The following TSEN2 variants were observed in gnomAD, a reference collection of about 807,000 sequenced individuals.
The protein encoded by TSEN2 is tRNA splicing endonuclease subunit 2.
A neutral mutation model predicts 59.2 loss-of-function variants in TSEN2; 54 were observed. The ratio of observed to expected loss-of-function variants is 0.91; its 90% CI spans 0.73 to 1.14. TSEN2 has a LOEUF of 1.14. TSEN2 is among the 50% of genes most tolerant of loss of function. TSEN2 has a pLI of 0.00. For synonymous variants in TSEN2, 195 were observed against 198.2 expected (o/e 0.98, Z 0.14); for missense variants, 636 against 576.2 (o/e 1.10, Z -1.06).
chr3:12,519,483 C>A (rs747140032), intron 8 of TSEN2, among the ~76,000 whole-genome samples: 1 of 152,192 alleles, frequency 6.6e-6, no homozygotes, highest in Non-Finnish European at 1.5e-5. Flanking sequence ...CCGTGGCTTA[C>A]GCATGTAATC....
chr3:12,521,316 G>A (rs2056618657), intron 8 of TSEN2, among the ~76,000 whole-genome samples: 1 of 152,186 alleles, frequency 6.6e-6, no homozygotes, highest in Non-Finnish European at 1.5e-5. Flanking sequence ...TAGGGGGATG[G>A]GGGAGACACA....
chr3:12,493,705 C>T (rs1365974565), intron 3 of TSEN2, among the ~76,000 whole-genome samples: 2 of 152,014 alleles, frequency 1.3e-5, no homozygotes, highest in Non-Finnish European at 2.9e-5. Flanking sequence ...CCAGCCTGGG[C>T]GACAGAGCAA....
chr3:12,506,009 T>C (rs1456476585), intron 6 of TSEN2, among the ~76,000 whole-genome samples: 1 of 152,080 alleles, frequency 6.6e-6, no homozygotes, highest in East Asian at 1.9e-4. Flanking sequence ...TAACAGATGC[T>C]GACTGGTGAT....
At chr3:12,531,707 C>T (rs951537214) in intron 11 of TSEN2, 48 bp downstream of exon 11, 1 of 1,243,730 alleles carries the variant, frequency 8.0e-7, no homozygotes, top group South Asian at 1.2e-5. Flanking sequence ...TTCTGTGAAT[C>T]ATAGTGTATC....
chr3:12,487,390 C>T (rs188970996), intron 1 of TSEN2, among the ~76,000 whole-genome samples: 1 of 152,288 alleles, frequency 6.6e-6, no homozygotes, highest in East Asian at 1.9e-4. Context: ...TTAGATGTGA[C>T]AGCAGTCTGA....
Position 12,503,792 on chromosome 3 carries a change from G to T in TSEN2, c.831+8G>T. ...GCTGCCCCAAATGAGGAAGTAAGTA[G>T]AAGAAAATAAATCGCTTCCTCCAAA... is the stretch of plus-strand genomic sequence containing the variant. On this transcript the variant is annotated splice_region_variant and intron_variant, in intron 5 of 11. Coordinates refer to ENST00000284995, the MANE Select transcript of TSEN2 (RefSeq NM_025265.4). 6.2e-7 allele frequency: 1 copy of T among 1,613,352 alleles called. No homozygotes were observed. The highest frequency in any genetic ancestry group is 1.1e-5 in the South Asian group (1 of 90,890).
intron 6 of TSEN2, among the ~76,000 whole-genome samples, chr3:12,509,241 C>G (rs370893261): frequency 2.7e-5 from 4 of 150,244 alleles, no homozygotes; most frequent in African/African-American, 9.9e-5. Flanking sequence ...CGCTCTGTCA[C>G]CTAGGCTGCA....
chr3:12,495,081 G>A (rs890579670), intron 3 of TSEN2, among the ~76,000 whole-genome samples: 6 of 126,246 alleles, frequency 4.8e-5, no homozygotes, highest in African/African-American at 9.7e-5. Flanking sequence ...AGCCAAAATC[G>A]CGCCACTGCA....
At chr3:12,501,353 A>G (rs967112082) in intron 4 of TSEN2, among the ~76,000 whole-genome samples, 2 of 152,238 alleles carry the variant, frequency 1.3e-5, no homozygotes, top group Non-Finnish European at 2.9e-5. Flanking sequence ...AAAATGTGCC[A>G]TACCAAAGTC....
At chr3:12,507,086 G>A (rs367637139) in intron 6 of TSEN2, among the ~76,000 whole-genome samples, 1 of 152,230 alleles carries the variant, frequency 6.6e-6, no homozygotes, top group Non-Finnish European at 1.5e-5. Flanking sequence ...CCAGCTACTC[G>A]GGAGGCTGAG....
intron 6 of TSEN2, among the ~76,000 whole-genome samples, chr3:12,508,923 C>T (rs984098453): frequency 6.6e-6 from 1 of 151,794 alleles, no homozygotes; most frequent in Non-Finnish European, 1.5e-5. Context: ...TGCAGTGGCA[C>T]CATCATAGCT....
chr3:12,518,957 A>T, intron 7 of TSEN2, 102 bp from the exon 8 acceptor site: 1 of 1,189,386 alleles, frequency 8.4e-7, no homozygotes, highest in Non-Finnish European at 1.2e-6. Context: ...CATTTTCTTC[A>T]CTGCTTCAGC....
chr3:12,517,886 A>G (rs1359463753), intron 7 of TSEN2, among the ~76,000 whole-genome samples: 5 of 148,158 alleles, frequency 3.4e-5, no homozygotes, highest in Admixed American at 2.7e-4. Flanking sequence ...TGTTACTCAC[A>G]TTGGGGTCAC....
chr3:12,489,889 A>G lies in TSEN2; in HGVS notation c.89A>G (p.Asp30Gly), dbSNP rs752439099. 2.5e-6 allele frequency: 4 copies of G among 1,614,144 alleles called. No homozygotes were observed. In the East Asian group the frequency reaches 8.9e-5, roughly 36 times the overall value. Residue 30 changes from aspartate to glycine, a missense_variant, in exon 2 of 12, where the codon GAC becomes GGC. Coordinates refer to ENST00000284995, the MANE Select transcript of TSEN2 (RefSeq NM_025265.4). ...ESPLPIPFGQ[D>G]HGPLKEFKIF... ...CCATTGCCAATCCCTTTTGGTCAGG[A>G]CCATGGTCCTCTGAAAGAATTCAAG... is the stretch of plus-strand genomic sequence containing the variant.
At chr3:12,512,132 T>C (rs1330630668) in intron 6 of TSEN2, among the ~76,000 whole-genome samples, 2 of 152,246 alleles carry the variant, frequency 1.3e-5, no homozygotes, top group Non-Finnish European at 1.5e-5. Context: ...GTCTCTGTCC[T>C]GGAAGACACT....
At chr3:12,494,065 A>G (rs2053500326) in intron 3 of TSEN2, among the ~76,000 whole-genome samples, 1 of 152,230 alleles carries the variant, frequency 6.6e-6, no homozygotes, top group Non-Finnish European at 1.5e-5. Flanking sequence ...GTCCCAGTAT[A>G]TGCGTTTACT....
In TSEN2 at chr3:12,516,479, T is replaced by C. The variant is rs914558040; in HGVS notation, c.910-132T>C. 3.6e-5 allele frequency: 25 copies of C among 695,682 alleles called. No individual in the cohort carries two copies. In the Admixed American group the frequency reaches 4.8e-4, roughly 13 times the overall value. 43.1% of individuals were successfully genotyped at this position (695,682 alleles called of 1,614,324 possible). A position where few individuals can be genotyped will look rare whatever the true frequency, so the allele number is the denominator to read the frequency against. On this transcript the variant is annotated intron_variant, in intron 6 of 11. Transcript: ENST00000284995. ...GTGTGTGTGTGTGTGTGTGTGTGTG[T>C]GTGTGTGTGACCTTTTTGATGATGA...
chr3:12,539,294 C>T (rs764211053), exon 11 of TSEN2: 15 of 339,308 alleles, frequency 4.4e-5, no homozygotes, highest in South Asian at 1.5e-4. Context: ...CCACCACACA[C>T]GGCTAATTTT....
At chr3:12,530,404 G>T in intron 10 of TSEN2, 4 of 985,650 alleles carry the variant, frequency 4.1e-6, no homozygotes, top group Non-Finnish European at 4.8e-6. Context: ...GCATACTCGG[G>T]ATCCAAACCC....
Sources: gnomAD v4.1 joint callset for allele counts (sites outside exome capture counted in the v4.1 genomes callset) on GRCh38, gnomAD v4.1.1 for gene constraint, MANE v1.5 for transcripts, NCBI Gene and HGNC (gene_info 2026-07-23, HGNC 2026-07-21) for gene names.